Variants in MINAR1 observed in about 807,000 individuals in gnomAD.
The protein encoded by MINAR1 is major intrinsically disordered Notch2-binding receptor 1.
MINAR1 carries 40 observed loss-of-function variants against 65.1 expected under a neutral mutation model. The observed-to-expected ratio is 0.61, with a 90% confidence interval of 0.48 to 0.80. MINAR1 has a LOEUF of 0.80. Ranked by LOEUF, MINAR1 falls within the 30% of genes least tolerant of loss-of-function variation. The probability of loss-of-function intolerance (pLI) is 0.00; values close to 1 mark genes in which losing one functional copy is unlikely to be tolerated. For synonymous variants in MINAR1, 482 were observed against 449.1 expected (o/e 1.07, Z -0.93); for missense variants, 1,128 against 1,148.0 (o/e 0.98, Z 0.25).
intron 1 of MINAR1, among the ~76,000 whole-genome samples, chr15:79,446,754 A>G (rs1389307991): frequency 2.0e-5 from 3 of 152,138 alleles, no homozygotes; most frequent in African/African-American, 7.2e-5. Flanking sequence ...ACATTCTTAT[A>G]TATTATCACT....
At chr15:79,424,419 A>C in the MINAR1 span, 1 of 152,246 alleles carries the variant, frequency 6.6e-6, no homozygotes, top group African/African-American at 2.4e-5. Context: ...AGAAAATGTT[A>C]GAACAGCATT....
chr15:79,440,178 A>G (rs1203181363), intron 1 of MINAR1, among the ~76,000 whole-genome samples: 1 of 152,142 alleles, frequency 6.6e-6, no homozygotes, highest in Non-Finnish European at 1.5e-5. Flanking sequence ...TCATCTGCTG[A>G]GTCAGAATCT....
In MINAR1 at chr15:79,471,005, T is replaced by G. The variant is rs1896058046; in HGVS notation, c.*2621T>G. 6.6e-6 allele frequency: 1 copy of G among 152,212 alleles called. No homozygotes were observed. The highest frequency in any genetic ancestry group is 2.4e-5 in the African/African-American group (1 of 41,442). 9.4% of individuals were successfully genotyped at this position (152,212 alleles called of 1,614,324 possible). ...CACCCCAGCCTTCCTTCCCTGACCC[T>G]GAGACTCACCCTATCTATCTCCCCT... On this transcript the variant is annotated 3_prime_UTR_variant, in exon 4 of 4. Transcript: ENST00000305428.
At chr15:79,458,550 T>C (rs1567059749) in intron 2 of MINAR1, 105 bp downstream of exon 2, 1 of 1,347,214 alleles carries the variant, frequency 7.4e-7, no homozygotes, top group East Asian at 2.4e-5. Context: ...GCCTGGCCTC[T>C]GTGTGCCAGT....
At chr15:79,427,068 C>T in the MINAR1 span, 2 of 152,208 alleles carry the variant, frequency 1.3e-5, no homozygotes, top group African/African-American at 4.8e-5. Context: ...TACATATGCA[C>T]CATGGAATAC....
chr15:79,419,443 T>G, the MINAR1 span: 3 of 152,226 alleles, frequency 2.0e-5, no homozygotes, highest in African/African-American at 7.2e-5. Context: ...CCTGTGACTG[T>G]CCACTGGCCA....
chr15:79,456,560 ACTGTGAG>A lies in MINAR1; in HGVS notation c.417_423del (p.Cys139Ter). ...AATGCAGCTGAGTGTGAGCCCCTGAACTGTGAGCTGAGTGAGAGGTCTTTCAGCCGGG... is the reference window on the plus strand; with the variant it reads ...AATGCAGCTGAGTGTGAGCCCCTGAACTGAGTGAGAGGTCTTTCAGCCGGG... On this transcript the variant is annotated frameshift_variant, in exon 2 of 4. Transcript: ENST00000305428. LOFTEE classifies it high-confidence loss of function. 1 of 1,614,104 alleles carries A rather than the reference ACTGTGAG, an allele frequency of 6.2e-7. No homozygotes were observed. Among genetic ancestry groups the A allele is most frequent in the Non-Finnish European group, 8.5e-7 (1 of 1,180,012 alleles).
rs1895976361 is a variant in MINAR1, at chr15:79,468,993, C to G, written c.*609C>G. The G allele has an allele frequency of 6.4e-6, 1 of 156,042 alleles. No homozygotes were observed. The highest frequency in any genetic ancestry group is 1.4e-5 in the Non-Finnish European group (1 of 70,124). The allele number at this position is 156,042 out of a possible 1,614,324, so 9.7% of individuals were successfully genotyped here. ...AGATCTTCATGGAAACATTCTGGACCTTCTTCCTTGCACTTGGAGTGAGAA... is the reference window on the plus strand; with the variant it reads ...AGATCTTCATGGAAACATTCTGGACGTTCTTCCTTGCACTTGGAGTGAGAA... On this transcript the variant is annotated 3_prime_UTR_variant, in exon 4 of 4. Coordinates refer to ENST00000305428, the MANE Select transcript of MINAR1 (RefSeq NM_015206.3).
In MINAR1 at chr15:79,451,978, A is replaced by G. The variant is rs137964030; in HGVS notation, c.-50-4120A>G. Among the ~76,000 whole-genome samples, 612 of 152,254 alleles carry G rather than the reference A, an allele frequency of 4.0e-3. 3 individuals are homozygous for G. The highest frequency in any genetic ancestry group is 6.8e-3 in the Middle Eastern group (2 of 294). On this transcript the variant is annotated intron_variant, in intron 1 of 3. Transcript: ENST00000305428. ...ACACTTAGGAGAGAACAGAGCTAAG[A>G]GACACCTAGGAGAGAAAGAGTGTGG... is the stretch of plus-strand genomic sequence containing the variant.
chr15:79,430,723 T>G (rs1486816112), upstream of MINAR1, among the ~76,000 whole-genome samples: 2 of 152,216 alleles, frequency 1.3e-5, no homozygotes, highest in African/African-American at 4.8e-5. Flanking sequence ...CTAGAATAGG[T>G]TTGAACTTGC....
chr15:79,454,857 AT>A (rs1325376309), intron 1 of MINAR1, among the ~76,000 whole-genome samples: 1 of 152,246 alleles, frequency 6.6e-6, no homozygotes, highest in Non-Finnish European at 1.5e-5. Flanking sequence ...GGCATACATA[AT>A]TGTTGAAACA....
intron 1 of MINAR1, among the ~76,000 whole-genome samples, chr15:79,444,577 C>T (rs1031994244): frequency 6.6e-6 from 1 of 151,928 alleles, no homozygotes; most frequent in African/African-American, 2.4e-5. Flanking sequence ...TATAAACTTT[C>T]CTCTAATGAT....
At chr15:79,465,899 A>AGAGC (rs1895832501) in intron 3 of MINAR1, among the ~76,000 whole-genome samples, 1 of 152,028 alleles carries the variant, frequency 6.6e-6, no homozygotes, top group African/African-American at 2.4e-5. Context: ...CATGCCAAGG[A>AGAGC]GAGCAGACTG....
chr15:79,457,029 C>T lies in MINAR1; in HGVS notation c.882C>T (p.Pro294=). 2 of 1,613,938 alleles carry T rather than the reference C, an allele frequency of 1.2e-6. No individual in the cohort carries two copies. The highest frequency in any genetic ancestry group is 1.7e-6 in the Non-Finnish European group (2 of 1,179,904). Residue 294 remains proline (P), a synonymous_variant, in exon 2 of 4, where the codon CCC becomes CCT. Coordinates refer to ENST00000305428, the MANE Select transcript of MINAR1 (RefSeq NM_015206.3). ...EHREPQSRKE[P]HKPPFFNHSF... ...GGGAACCCCAGAGTCGAAAGGAACC[C>T]CACAAGCCACCCTTCTTCAACCACA...
Position 79,456,761 on chromosome 15 carries a change from G to C in MINAR1, c.614G>C (p.Ser205Thr), listed in dbSNP as rs1018754516. 11 of 1,614,152 alleles carry C rather than the reference G, an allele frequency of 6.8e-6. No individual in the cohort carries two copies. In the Admixed American group the frequency reaches 8.3e-5, roughly 12 times the overall value. Reference protein sequence around the residue: ...LQALAPYSVTSPQPCEMQRTY... With the variant: ...LQALAPYSVTTPQPCEMQRTY... ...GCCCTGGCTCCGTACTCTGTGACCA[G>C]CCCTCAGCCCTGTGAGATGCAGAGG... Residue 205 changes from serine (S) to threonine (T), a missense_variant, in exon 2 of 4, where the codon AGC becomes ACC. Physicochemically the swap from Ser to Thr is moderately conservative, Grantham distance 58 (BLOSUM62 1). Transcript: ENST00000305428.
chr15:79,428,227 C>A (rs1236822201), upstream of MINAR1, among the ~76,000 whole-genome samples: 1 of 120,408 alleles, frequency 8.3e-6, no homozygotes, highest in Non-Finnish European at 1.7e-5. Flanking sequence ...CCTTTATTCC[C>A]CCTCCCTCCC....
intron 1 of MINAR1, among the ~76,000 whole-genome samples, chr15:79,437,136 T>C (rs1894624304): frequency 1.3e-5 from 2 of 152,258 alleles, no homozygotes; most frequent in South Asian, 4.2e-4. Context: ...GATCAACCAG[T>C]CACTAGGAAC....
Position 79,440,885 on chromosome 15 carries a change from C to T in MINAR1, c.-51+8345C>T, listed in dbSNP as rs567208557. On this transcript the variant is annotated intron_variant, in intron 1 of 3. Coordinates refer to ENST00000305428, the MANE Select transcript of MINAR1 (RefSeq NM_015206.3). ...TTTCTATTTCGCTTATTATCTGTCT[C>T]CCCCACTAGATTATAAGCTCATGAG... 1.6e-3 allele frequency among the ~76,000 whole-genome samples: 246 copies of T among 152,268 alleles called. 2 individuals carry two copies. The highest frequency in any genetic ancestry group is 5.3e-3 in the African/African-American group (222 of 41,548).
At chr15:79,462,117 C>T (rs1033588057) in intron 2 of MINAR1, among the ~76,000 whole-genome samples, 3 of 152,154 alleles carry the variant, frequency 2.0e-5, no homozygotes, top group Non-Finnish European at 4.4e-5. Flanking sequence ...GCCTCTAACC[C>T]TCTGATGAAT....
Sources: allele counts gnomAD v4.1 joint callset (sites outside exome capture counted in the v4.1 genomes callset), GRCh38; gene constraint gnomAD v4.1.1; transcripts MANE v1.5; gene names NCBI Gene and HGNC (gene_info 2026-07-23, HGNC 2026-07-21).